Variants in HERC6 observed in about 807,000 individuals in gnomAD.
The protein encoded by HERC6 is probable E3 ubiquitin-protein ligase HERC6.
A neutral mutation model predicts 114.5 loss-of-function variants in HERC6; 101 were observed. The ratio of observed to expected loss-of-function variants is 0.88; its 90% CI spans 0.75 to 1.04. The LOEUF (loss-of-function observed/expected upper bound fraction) is 1.04. Among genes scored for constraint, HERC6 ranks in the 50% least tolerant of loss-of-function variants. The probability of loss-of-function intolerance (pLI) is 0.00; values close to 1 mark genes in which losing one functional copy is unlikely to be tolerated. For missense variants in HERC6, 1,133 were observed against 1,230.9 expected (o/e 0.92, Z 1.19); for synonymous variants, 408 against 436.2 (o/e 0.94, Z 0.81).
At chr4:88,436,015 G>A in intron 18 of HERC6, 124 bp downstream of exon 18, 3 of 650,826 alleles carry the variant, frequency 4.6e-6, no homozygotes, top group Non-Finnish European at 6.9e-6. Flanking sequence ...CTCTTGAGAG[G>A]AATTTGAATT....
At chr4:88,400,216 TG>T (rs1192518923) in intron 8 of HERC6, among the ~76,000 whole-genome samples, 1 of 152,164 alleles carries the variant, frequency 6.6e-6, no homozygotes, top group African/African-American at 2.4e-5. Context: ...TTTGTTTGCT[TG>T]TTTTTTTGTT....
At position 88,437,693 on chromosome 4, in the gene HERC6, A is replaced by T; in HGVS notation, c.2485-18A>T. ...AACTTACTTTGATATTTGGTACCTG[A>T]ATACATTTTGGTTACAGATACACTG... On this transcript the variant is annotated intron_variant, in intron 19 of 22. Transcript: ENST00000264346. The T allele has an allele frequency of 6.5e-7, 1 of 1,529,006 alleles. No individual in the cohort carries two copies. Among genetic ancestry groups the T allele is most frequent in the Non-Finnish European group, 9.0e-7 (1 of 1,112,244 alleles). The allele number at this position is 1,529,006 out of a possible 1,614,324, so 94.7% of individuals were successfully genotyped here.
At chr4:88,409,442 A>C (rs1023561996) in intron 11 of HERC6, among the ~76,000 whole-genome samples, 1 of 152,236 alleles carries the variant, frequency 6.6e-6, no homozygotes, top group Non-Finnish European at 1.5e-5. Context: ...GCTAGTGTTC[A>C]TTATGAAATT....
chr4:88,380,642 G>A lies in HERC6; in HGVS notation c.199+1522G>A, dbSNP rs537146597. Among the ~76,000 whole-genome samples, 258 of 149,102 alleles carry A rather than the reference G, an allele frequency of 1.7e-3. 1 individual carries two copies. The highest frequency in any genetic ancestry group is 6.1e-3 in the African/African-American group (249 of 40,764). Reference sequence around the variant, plus strand: ...TGAGGCAGGGGAATCGCTTGAACCCGGGAGGCAGAGGTTGCAGTGAGCCGA... The same window carrying A: ...TGAGGCAGGGGAATCGCTTGAACCCAGGAGGCAGAGGTTGCAGTGAGCCGA... On this transcript the variant is annotated intron_variant, in intron 1 of 22. Transcript: ENST00000264346.
intron 11 of HERC6, among the ~76,000 whole-genome samples, chr4:88,409,355 T>C (rs1735969247): frequency 6.6e-6 from 1 of 152,186 alleles, no homozygotes; most frequent in Non-Finnish European, 1.5e-5. Context: ...GGAAGCAAGA[T>C]AGAGTCAACC....
At chr4:88,410,848 A>G (rs2148899076) in intron 11 of HERC6, among the ~76,000 whole-genome samples, 1 of 152,326 alleles carries the variant, frequency 6.6e-6, no homozygotes, top group South Asian at 2.1e-4. Context: ...AATGGAAGGT[A>G]TGACAGTTTG....
At chr4:88,393,262 G>T (rs1247570756) in intron 4 of HERC6, among the ~76,000 whole-genome samples, 3 of 148,390 alleles carry the variant, frequency 2.0e-5, no homozygotes, top group African/African-American at 7.4e-5. Flanking sequence ...TTATGTTAAT[G>T]AATTATAAAA....
chr4:88,442,165 A>C, intron 22 of HERC6, 69 bp from the exon 23 acceptor site: 1 of 1,101,686 alleles, frequency 9.1e-7, no homozygotes, highest in Non-Finnish European at 1.3e-6. Flanking sequence ...TGAAGTGATT[A>C]ATTTCTTCCT....
At chr4:88,388,859 C>T (rs187867176) in intron 3 of HERC6, among the ~76,000 whole-genome samples, 1 of 152,266 alleles carries the variant, frequency 6.6e-6, no homozygotes, top group Admixed American at 6.5e-5. Flanking sequence ...ATTTTCTGTA[C>T]AGGTGCAAAT....
rs1253542278 is a variant in HERC6, at chr4:88,388,568, AAGAC to A, written c.437-2080_437-2077del. On this transcript the variant is annotated intron_variant, in intron 3 of 22. Transcript: ENST00000264346. Reference sequence around the variant, plus strand: ...TCGTCTCAAAAAAAAAAAAAAAAAAAAGACAGATTAATAGGAGAAAAGACATATT... The same window carrying A: ...TCGTCTCAAAAAAAAAAAAAAAAAAAAGATTAATAGGAGAAAAGACATATT... Among the ~76,000 whole-genome samples, 19 of 148,742 alleles carry A rather than the reference AAGAC, an allele frequency of 1.3e-4. No homozygotes were observed. In the South Asian group the frequency reaches 1.7e-3, roughly 13 times the overall value.
intron 17 of HERC6, among the ~76,000 whole-genome samples, chr4:88,433,935 A>G (rs1164047873): frequency 6.6e-6 from 1 of 152,218 alleles, no homozygotes; most frequent in Admixed American, 6.5e-5. Context: ...GGAATGGCTA[A>G]GGTGTGCCAA....
intron 11 of HERC6, 52 bp from the exon 12 acceptor site, chr4:88,413,025 C>T: frequency 1.5e-6 from 2 of 1,313,004 alleles, no homozygotes; most frequent in Non-Finnish European, 1.1e-6. Context: ...TCTCACAATC[C>T]TCTGTATCTA....
Position 88,442,452 on chromosome 4 carries a change from C to A in HERC6, c.3061C>A (p.Gln1021Lys). ...AGGATTTGTCTCACCCATGCTCACA[C>A]AGTCATAATCACCTCTGAGAGACTC... Reference protein sequence around the residue: ...NRGFVSPMLTQS With the variant: ...NRGFVSPMLTKS The change falls in exon 23 of 23, where the codon CAG becomes AAG. Residue 1021 changes from glutamine to lysine, a missense_variant. Gln to Lys is a moderately conservative substitution (Grantham distance 53). Transcript: ENST00000264346. 1.2e-6 allele frequency: 2 copies of A among 1,612,420 alleles called. No homozygotes were observed. The highest frequency in any genetic ancestry group is 1.7e-6 in the Non-Finnish European group (2 of 1,178,886).
chr4:88,384,837 T>C (rs1194503093), intron 2 of HERC6, among the ~76,000 whole-genome samples: 1 of 152,068 alleles, frequency 6.6e-6, no homozygotes, highest in Non-Finnish European at 1.5e-5. Context: ...CTGGCCAACA[T>C]GGTGAAACCT....
At position 88,439,919 on chromosome 4, in the gene HERC6, T is replaced by C. The variant is rs1739174743; in HGVS notation, c.2601T>C (p.Ser867=). Residue 867 remains serine (S), a synonymous_variant, in exon 21 of 23, where the codon TCT becomes TCC. Transcript: ENST00000264346. ...SKYIDYIFNV[S]VKAVYEEFQR... is the part of the protein sequence containing the mutation. The stretch of plus-strand genomic sequence containing the variant: ...ATATTGATTACATTTTCAACGTCTC[T>C]GTAAAAGCAGTTTATGAGGAATTTC... The C allele has an allele frequency of 6.2e-7, 1 of 1,600,712 alleles. No homozygotes were observed. Among genetic ancestry groups the C allele is most frequent in the Admixed American group, 1.7e-5 (1 of 57,646 alleles).
In HERC6 at chr4:88,396,733, G is replaced by A. The variant is rs117413734; in HGVS notation, c.888-118G>A. On this transcript the variant is annotated intron_variant, in intron 6 of 22. Transcript: ENST00000264346. ...ACTGACATTGTGATAAGGGAGCTGC[G>A]TACTTAGTAAAAGTAAATTGGGCTT... The A allele has an allele frequency of 4.7e-4, 410 of 874,156 alleles. 7 individuals are homozygous for A. The East Asian group carries it at 0.01, about 22-fold the overall frequency. 54.1% of individuals were successfully genotyped at this position (874,156 alleles called of 1,614,324 possible).
chr4:88,385,436 G>A, intron 2 of HERC6, 63 bp from the exon 3 acceptor site: 1 of 744,420 alleles, frequency 1.3e-6, no homozygotes, highest in Non-Finnish European at 2.2e-6. Context: ...TTAAATATCT[G>A]TAGTCCACCG....
chr4:88,388,251 G>GTC (rs1734695790), intron 3 of HERC6, among the ~76,000 whole-genome samples: 1 of 151,914 alleles, frequency 6.6e-6, no homozygotes, highest in Non-Finnish European at 1.5e-5. Context: ...GTGAAACCCT[G>GTC]TCTCTACTAA....
At chr4:88,439,335 C>T (rs1739087312) in intron 20 of HERC6, among the ~76,000 whole-genome samples, 4 of 147,452 alleles carry the variant, frequency 2.7e-5, no homozygotes, top group Admixed American at 2.7e-4. Flanking sequence ...ACAGGGAGAC[C>T]CCATCTCTTA....
Sources: gnomAD v4.1 joint callset for allele counts (sites outside exome capture counted in the v4.1 genomes callset) on GRCh38, gnomAD v4.1.1 for gene constraint, MANE v1.5 for transcripts, NCBI Gene and HGNC (gene_info 2026-07-23, HGNC 2026-07-21) for gene names.